The following SCN8A variants were observed in gnomAD, a reference collection of about 807,000 sequenced individuals.
The protein encoded by SCN8A is sodium channel protein type 8 subunit alpha.
A neutral mutation model predicts 184.1 loss-of-function variants in SCN8A; 30 were observed. That is an observed-to-expected ratio of 0.16 (90% CI 0.12 to 0.22). The LOEUF (loss-of-function observed/expected upper bound fraction) is 0.22. Ranked by LOEUF, SCN8A falls within the 10% of genes least tolerant of loss-of-function variation. SCN8A has a pLI of 1.00. For missense variants in SCN8A, 1,057 were observed against 2,498.9 expected (o/e 0.42, Z 12.30); for synonymous variants, 852 against 907.0 (o/e 0.94, Z 1.09).
intron 7 of SCN8A, among the ~76,000 whole-genome samples, chr12:51,700,190 A>G (rs1208254655): frequency 1.3e-5 from 2 of 152,004 alleles, no homozygotes; most frequent in Admixed American, 6.6e-5. Context: ...AACAAAAAAA[A>G]AAAGAGGTAG....
At chr12:51,622,222 G>GTA (rs1214477068) in intron 1 of SCN8A, among the ~76,000 whole-genome samples, 2 of 152,208 alleles carry the variant, frequency 1.3e-5, no homozygotes, top group Non-Finnish European at 2.9e-5. Flanking sequence ...GAGAATTCCT[G>GTA]TATATGCCTC....
At chr12:51,688,810 A>C in intron 5 of SCN8A, 195 bp from the exon 6 acceptor site, 1 of 1,613,928 alleles carries the variant, frequency 6.2e-7, no homozygotes, top group Non-Finnish European at 8.5e-7. Flanking sequence ...ACGCACTTTC[A>C]GGGTACTGAG....
At chr12:51,623,678 T>C (rs530244474) in intron 1 of SCN8A, among the ~76,000 whole-genome samples, 1 of 152,328 alleles carries the variant, frequency 6.6e-6, no homozygotes, top group African/African-American at 2.4e-5. Context: ...GTTAGTTACA[T>C]ATGTAAACAT....
At chr12:51,727,590 A>C (rs925399651) in intron 12 of SCN8A, among the ~76,000 whole-genome samples, 63 of 152,144 alleles carry the variant, frequency 4.1e-4, no homozygotes, top group African/African-American at 1.5e-3. Context: ...GCAGAATTCT[A>C]GGTGGAAGCT....
intron 6 of SCN8A, chr12:51,689,933 G>A (rs1592381426): frequency 6.6e-6 from 1 of 152,094 alleles, no homozygotes; most frequent in Admixed American, 6.5e-5. Flanking sequence ...TAGCCCAGTG[G>A]TTCTTAACCT....
At chr12:51,661,975 G>A (rs1056093235) in intron 1 of SCN8A, among the ~76,000 whole-genome samples, 2 of 152,192 alleles carry the variant, frequency 1.3e-5, no homozygotes, top group Non-Finnish European at 2.9e-5. Context: ...GTCCTTCCTG[G>A]TTTGAGCCCC....
chr12:51,746,209 G>T (rs913171897), intron 13 of SCN8A, among the ~76,000 whole-genome samples, 174 bp downstream of exon 13: 1 of 152,122 alleles, frequency 6.6e-6, no homozygotes, highest in African/African-American at 2.4e-5. Flanking sequence ...AAATTTACAT[G>T]CAGAGAATCA....
At chr12:51,777,682 C>A (rs1238912278) in intron 20 of SCN8A, among the ~76,000 whole-genome samples, 1 of 152,136 alleles carries the variant, frequency 6.6e-6, no homozygotes, top group Non-Finnish European at 1.5e-5. Context: ...TTAGAGCCAG[C>A]CACTGAATTG....
At chr12:51,751,236 G>C in intron 13 of SCN8A, 119 bp from the exon 14 acceptor site, 1 of 707,942 alleles carries the variant, frequency 1.4e-6, no homozygotes, top group Non-Finnish European at 2.4e-6. Flanking sequence ...AGGAATGTCA[G>C]CGCTCAAAAC....
intron 2 of SCN8A, among the ~76,000 whole-genome samples, chr12:51,666,170 G>A (rs2086692): frequency 0.06 from 9,129 of 152,246 alleles, 408 homozygotes; most frequent in East Asian, 0.13. Context: ...TAAATTATGT[G>A]GGCAGGCTTA....
At chr12:51,650,693 G>A (rs911133457) in intron 1 of SCN8A, among the ~76,000 whole-genome samples, 6 of 152,100 alleles carry the variant, frequency 3.9e-5, no homozygotes, top group Non-Finnish European at 8.8e-5. Context: ...ATGCTGGATG[G>A]TTGTGGGTTT....
Position 51,598,528 on chromosome 12 carries a change from G to A in SCN8A, c.-55+7169G>A, listed in dbSNP as rs551068220. Among the ~76,000 whole-genome samples the A allele has an allele frequency of 7.0e-4, 107 of 152,142 alleles. 3 individuals are homozygous for A. The South Asian group carries it at 0.021, about 30-fold the overall frequency. ...GGAAAAAAATGTAATATTCTTAAAC[G>A]TTTCTTTCATTTCCTCTTGATTTTT... On this transcript the variant is annotated intron_variant, in intron 1 of 26. Coordinates refer to ENST00000627620, the MANE Select transcript of SCN8A (RefSeq NM_001330260.2).
At chr12:51,677,478 T>A (rs776767250) in intron 2 of SCN8A, among the ~76,000 whole-genome samples, 1 of 152,146 alleles carries the variant, frequency 6.6e-6, no homozygotes, top group Non-Finnish European at 1.5e-5. Context: ...CTAGCTGTAC[T>A]GCAGTCCTGT....
At chr12:51,728,455 C>T (rs1013448167) in intron 12 of SCN8A, among the ~76,000 whole-genome samples, 18 of 152,236 alleles carry the variant, frequency 1.2e-4, no homozygotes, top group African/African-American at 4.3e-4. Context: ...TAATGAGAGC[C>T]AGGCATGGTG....
rs182135043 is a variant in SCN8A, at chr12:51,806,095, T to C, written c.4796-187T>C. ...CACCTGCCTTGGCCTCCCAAAGTCC[T>C]GGGATTACAGGCGTGAGCCCCCATG... is the stretch of plus-strand genomic sequence containing the variant. On this transcript the variant is annotated intron_variant, in intron 26 of 26. Transcript: ENST00000627620. The surrounding 1 kb of genome is among the most constrained non-coding windows in gnomAD (Gnocchi z 8.7). 6.6e-6 allele frequency among the ~76,000 whole-genome samples: 1 copy of C among 152,362 alleles called. No individual in the cohort carries two copies. The highest frequency in any genetic ancestry group is 1.5e-5 in the Non-Finnish European group (1 of 68,034).
At chr12:51,781,027 GCCTGGCTTA>G in intron 21 of SCN8A, among the ~76,000 whole-genome samples, 1 of 152,258 alleles carries the variant, frequency 6.6e-6, no homozygotes, top group South Asian at 2.1e-4. Context: ...TTCTCATTTG[GCCTGGCTTA>G]CCTGTAGCAC....
Position 51,765,552 on chromosome 12 carries a change from C to T in SCN8A, c.2545-119C>T, listed in dbSNP as rs1942824974. The T allele has an allele frequency of 1.5e-5, 10 of 658,068 alleles. No individual in the cohort carries two copies. The South Asian group carries it at 1.9e-4, about 13-fold the overall frequency. 40.8% of individuals were successfully genotyped at this position (658,068 alleles called of 1,614,324 possible). A position where few individuals can be genotyped will look rare whatever the true frequency, so the allele number is the denominator to read the frequency against. On this transcript the variant is annotated intron_variant, in intron 15 of 26. Transcript: ENST00000627620. ...CTGTTAGACAGTCCTGGGAATTTTC[C>T]AAGGGTGCTCAATATATTTAATCTG...
chr12:51,764,042 G>A (rs576808577), intron 15 of SCN8A, among the ~76,000 whole-genome samples: 1 of 152,196 alleles, frequency 6.6e-6, no homozygotes, highest in East Asian at 1.9e-4. Context: ...TTATTACCTA[G>A]GTGACAAAAG....
intron 7 of SCN8A, among the ~76,000 whole-genome samples, 176 bp from the exon 8 acceptor site, chr12:51,700,968 A>G (rs1036148256): frequency 1.3e-5 from 2 of 152,252 alleles, no homozygotes; most frequent in African/African-American, 4.8e-5. Flanking sequence ...ATTTGTAAAT[A>G]TATATAAGAA....
Sources: gnomAD v4.1 joint callset for allele counts (sites outside exome capture counted in the v4.1 genomes callset) on GRCh38, gnomAD v4.1.1 for gene constraint, Gnocchi (gnomAD v3.1) non-coding constraint, MANE v1.5 for transcripts, NCBI Gene and HGNC (gene_info 2026-07-23, HGNC 2026-07-21) for gene names.